The following AGBL1 variants were observed in gnomAD, a reference collection of about 807,000 sequenced individuals.
AGBL1 encodes the protein cytosolic carboxypeptidase 4.
A neutral mutation model predicts 118.9 loss-of-function variants in AGBL1; 130 were observed. The ratio of observed to expected loss-of-function variants is 1.09; its 90% CI spans 0.95 to 1.26. AGBL1 has a LOEUF of 1.26. Ranked by LOEUF, AGBL1 falls within the 50% of genes most tolerant of loss-of-function variation. The probability of loss-of-function intolerance (pLI) is 0.00; values close to 1 mark genes in which losing one functional copy is unlikely to be tolerated. For synonymous variants in AGBL1, 555 were observed against 478.9 expected (o/e 1.16, Z -2.08); for missense variants, 1,584 against 1,298.1 (o/e 1.22, Z -3.38).
chr15:86,694,223 A>G (rs1187003528), intron 22 of AGBL1, among the ~76,000 whole-genome samples: 1 of 152,124 alleles, frequency 6.6e-6, no homozygotes, highest in East Asian at 1.9e-4. Context: ...TTACCCCTCC[A>G]GGAGCATGGG....
intron 6 of AGBL1, among the ~76,000 whole-genome samples, chr15:86,244,997 A>G (rs2078697746): frequency 6.6e-6 from 1 of 152,230 alleles, no homozygotes; most frequent in Admixed American, 6.5e-5. Context: ...AATGAAGGCA[A>G]TTCAAACCCT....
intron 23 of AGBL1, among the ~76,000 whole-genome samples, chr15:86,948,915 C>A (rs954380548): frequency 3.3e-5 from 5 of 152,174 alleles, no homozygotes; most frequent in Non-Finnish European, 7.3e-5. Flanking sequence ...AATAAAGTAT[C>A]CTGGAATACA....
At chr15:86,611,692 G>A (rs543314537) in intron 21 of AGBL1, among the ~76,000 whole-genome samples, 3 of 127,742 alleles carry the variant, frequency 2.3e-5, no homozygotes, top group East Asian at 5.2e-4. Context: ...GAAAGACAAC[G>A]TACATTTCTG....
rs563621585 is a variant in AGBL1, at chr15:86,262,038, C to A, written c.970-740C>A. 5.1e-5 allele frequency among the ~76,000 whole-genome samples: 7 copies of A among 136,948 alleles called. No individual in the cohort carries two copies. The East Asian group carries it at 1.6e-3, about 31-fold the overall frequency. The allele number at this position is 136,948 out of a possible 152,430, so 89.8% of individuals were successfully genotyped here. A position where few individuals can be genotyped will look rare whatever the true frequency, so the allele number is the denominator to read the frequency against. On this transcript the variant is annotated intron_variant, in intron 9 of 22. Transcript: ENST00000614907. ...TTCTGTAAGCAAATTGAAGCTTTTCCTTCTGCTAATAATTCACTGCTAGGC... is the reference window on the plus strand; with the variant it reads ...TTCTGTAAGCAAATTGAAGCTTTTCATTCTGCTAATAATTCACTGCTAGGC...
intron 21 of AGBL1, among the ~76,000 whole-genome samples, chr15:86,560,802 T>C (rs79730265): frequency 0.031 from 4,715 of 152,310 alleles, 131 homozygotes; most frequent in East Asian, 0.13. Flanking sequence ...CCAGCACCTG[T>C]TGTTTCCTGA....
chr15:86,195,286 A>G (rs2077784172), intron 5 of AGBL1, among the ~76,000 whole-genome samples: 1 of 152,128 alleles, frequency 6.6e-6, no homozygotes, highest in African/African-American at 2.4e-5. Flanking sequence ...GGTGAAGGGC[A>G]TGTTGGGGGT....
intron 21 of AGBL1, among the ~76,000 whole-genome samples, chr15:86,603,681 A>G (rs1444139489): frequency 2.0e-5 from 3 of 152,134 alleles, no homozygotes; most frequent in East Asian, 3.9e-4. Context: ...CGCCCCCTCC[A>G]TCTGGAAGAG....
intron 21 of AGBL1, among the ~76,000 whole-genome samples, chr15:86,639,984 A>G (rs1486192086): frequency 6.6e-6 from 1 of 152,158 alleles, no homozygotes; most frequent in Non-Finnish European, 1.5e-5. Flanking sequence ...TGGTGTGTGT[A>G]CTGGGCTGTG....
At chr15:86,452,758 G>A (rs185022106) in intron 18 of AGBL1, among the ~76,000 whole-genome samples, 17 of 152,104 alleles carry the variant, frequency 1.1e-4, no homozygotes, top group African/African-American at 3.4e-4. Context: ...ATCTCCTCAC[G>A]CTGTCCCTGA....
intron 21 of AGBL1, among the ~76,000 whole-genome samples, chr15:86,569,291 C>G (rs1266140901): frequency 6.6e-6 from 1 of 151,698 alleles, no homozygotes; most frequent in South Asian, 2.1e-4. Context: ...ATCAGCCGAC[C>G]ATGGTGGCAC....
intron 21 of AGBL1, among the ~76,000 whole-genome samples, chr15:86,617,292 T>G (rs1477797867): frequency 1.3e-5 from 2 of 152,180 alleles, no homozygotes; most frequent in Non-Finnish European, 2.9e-5. Flanking sequence ...AACAATAATA[T>G]TCCTGTGACC....
intron 21 of AGBL1, among the ~76,000 whole-genome samples, chr15:86,671,966 G>C (rs1313379307): frequency 6.6e-6 from 1 of 152,170 alleles, no homozygotes. Context: ...TGTGAGAGGA[G>C]GTCATCTACA....
At chr15:86,494,876 G>C (rs148278581) in intron 18 of AGBL1, among the ~76,000 whole-genome samples, 119 of 151,792 alleles carry the variant, frequency 7.8e-4, no homozygotes, top group African/African-American at 2.6e-3. Flanking sequence ...CAAAGGATAT[G>C]TAAGGAACAC....
At chr15:86,699,980 A>G (rs1567128750) in intron 22 of AGBL1, among the ~76,000 whole-genome samples, 1 of 152,044 alleles carries the variant, frequency 6.6e-6, no homozygotes, top group Non-Finnish European at 1.5e-5. Context: ...TTATTTTCCA[A>G]TTCCATTATT....
At chr15:86,850,944 A>G (rs2079399809) in intron 22 of AGBL1, among the ~76,000 whole-genome samples, 1 of 152,208 alleles carries the variant, frequency 6.6e-6, no homozygotes, top group Non-Finnish European at 1.5e-5. Flanking sequence ...TGCCATGCCC[A>G]TTTTATTGAT....
intron 22 of AGBL1, among the ~76,000 whole-genome samples, chr15:86,853,026 T>A (rs1326522010): frequency 6.6e-6 from 1 of 151,720 alleles, no homozygotes; most frequent in Non-Finnish European, 1.5e-5. Context: ...CTGCTGCAAT[T>A]AGAATCACAT....
At chr15:86,158,573 G>C (rs2077224195) in intron 4 of AGBL1, among the ~76,000 whole-genome samples, 5 of 152,310 alleles carry the variant, frequency 3.3e-5, no homozygotes, top group Middle Eastern at 3.4e-3. Flanking sequence ...ATATCCAAAA[G>C]TTGTATTTAC....
rs369625348 is a variant in AGBL1, at chr15:86,627,720, A to G, written c.2995-46553A>G. On this transcript the variant is annotated intron_variant, in intron 21 of 22. Transcript: ENST00000614907. ...TAATGAAAAAGAGAAACCAGCAACCAGGGTATACAGTTAGGAAGGAAGAGA... is the reference window on the plus strand; with the variant it reads ...TAATGAAAAAGAGAAACCAGCAACCGGGGTATACAGTTAGGAAGGAAGAGA... Among the ~76,000 whole-genome samples, 5 of 152,234 alleles carry G rather than the reference A, an allele frequency of 3.3e-5. No homozygotes were observed. In the South Asian group the frequency reaches 6.2e-4, roughly 19 times the overall value.
At chr15:86,160,852 A>G (rs535455175) in intron 5 of AGBL1, among the ~76,000 whole-genome samples, 1 of 152,318 alleles carries the variant, frequency 6.6e-6, no homozygotes, top group African/African-American at 2.4e-5. Context: ...CTCTTCCCAC[A>G]TAGCCATGGG....
Sources: gnomAD v4.1 joint callset for allele counts (sites outside exome capture counted in the v4.1 genomes callset) on GRCh38, gnomAD v4.1.1 for gene constraint, MANE v1.5 for transcripts, NCBI Gene and HGNC (gene_info 2026-07-23, HGNC 2026-07-21) for gene names.